The following TG variants were observed in gnomAD, a reference collection of about 807,000 sequenced individuals.
TG encodes thyroglobulin.
A neutral mutation model predicts 324.7 loss-of-function variants in TG; 270 were observed. That is an observed-to-expected ratio of 0.83 (90% CI 0.75 to 0.92). The LOEUF is 0.92. Ranked by LOEUF, TG falls within the 40% of genes least tolerant of loss-of-function variation. TG has a pLI of 0.00. For synonymous variants in TG, 1,401 were observed against 1,327.0 expected, an observed-to-expected ratio of 1.06 and a Z score of -1.21; for missense variants, 3,591 against 3,456.4, an observed-to-expected ratio of 1.04 and a Z score of -0.98.
intron 43 of TG, among the ~76,000 whole-genome samples, chr8:133,105,451 C>T (rs972813109): frequency 6.6e-5 from 10 of 152,058 alleles, no homozygotes; most frequent in African/African-American, 2.4e-4. Flanking sequence ...CAGGAAATAC[C>T]TGTGTTTTAA....
chr8:132,890,802 A>G (rs1816119315), intron 10 of TG, among the ~76,000 whole-genome samples: 1 of 152,244 alleles, frequency 6.6e-6, no homozygotes, highest in Non-Finnish European at 1.5e-5. Flanking sequence ...TAACGAAGGG[A>G]CCAATAACTT....
chr8:132,881,134 A>T (rs1443049073), intron 5 of TG, among the ~76,000 whole-genome samples: 1 of 152,226 alleles, frequency 6.6e-6, no homozygotes, highest in Non-Finnish European at 1.5e-5. Flanking sequence ...TGGTTGCTAA[A>T]TCATTGCACA....
intron 40 of TG, among the ~76,000 whole-genome samples, chr8:133,024,371 T>TTTCC (rs1564084346): frequency 1.8e-4 from 23 of 126,356 alleles, no homozygotes; most frequent in African/African-American, 6.1e-4. Flanking sequence ...TCTTTCTTTC[T>TTTCC]TTCTTTCTTT....
intron 16 of TG, among the ~76,000 whole-genome samples, chr8:132,901,811 T>C (rs536841488): frequency 9.2e-5 from 14 of 152,290 alleles, no homozygotes; most frequent in South Asian, 4.1e-4. Context: ...TTGGGGGCTG[T>C]CCTGCCCGGG....
chr8:133,060,499 T>G (rs1842217236), intron 41 of TG: 2 of 766,644 alleles, frequency 2.6e-6, no homozygotes, highest in South Asian at 3.7e-5. Flanking sequence ...CACAGCAGGG[T>G]TTGTGTGAGA....
At position 132,893,883 on chromosome 8, in the gene TG, G is replaced by C. The variant is rs1170461745; in HGVS notation, c.2955G>C (p.Gln985His). 1.2e-6 allele frequency: 2 copies of C among 1,614,078 alleles called. No homozygotes were observed. Among genetic ancestry groups the C allele is most frequent in the Non-Finnish European group, 1.7e-6 (2 of 1,179,970 alleles). The change falls in exon 11 of 48, where the codon CAG becomes CAC. Residue 985 changes from glutamine to histidine, a missense_variant. Transcript: ENST00000220616. The stretch of plus-strand genomic sequence containing the variant: ...CGCCCCGGGAGGCTTTCGCGGAGCA[G>C]TTTCTGCGTGGGAGTGATTACGCCA... Reference protein sequence around the residue: ...LFPPREAFAEQFLRGSDYAIR... With the variant: ...LFPPREAFAEHFLRGSDYAIR...
chr8:133,125,866 A>G (rs1851478729), intron 45 of TG, among the ~76,000 whole-genome samples: 1 of 152,176 alleles, frequency 6.6e-6, no homozygotes, highest in Non-Finnish European at 1.5e-5. Flanking sequence ...TAGCAGAGAG[A>G]TAGTATTTTA....
At chr8:133,094,563 C>T (rs567291476) in intron 41 of TG, 2 of 229,668 alleles carry the variant, frequency 8.7e-6, no homozygotes, top group Non-Finnish European at 8.8e-6. Context: ...TTTACCCTTA[C>T]AAAGACTGTG....
Position 132,882,464 on chromosome 8 carries a change from C to A in TG, c.746-5C>A. 1 of 1,614,204 alleles carries A rather than the reference C, an allele frequency of 6.2e-7. No individual in the cohort carries two copies. ...ATCTCTGAAAGTCTTGCTGTCTTTG[C>A]TCAGGTTTGGAGTTGTTACTGGATG... is the stretch of plus-strand genomic sequence containing the variant. On this transcript the variant is annotated splice_region_variant and splice_polypyrimidine_tract_variant and intron_variant, in intron 6 of 47. Transcript: ENST00000220616.
chr8:133,040,037 G>T (rs1460194008), intron 41 of TG: 2 of 1,552,238 alleles, frequency 1.3e-6, no homozygotes, highest in East Asian at 2.4e-5. Flanking sequence ...CTGACGCAAG[G>T]TGACAGGTGA....
At chr8:132,874,848 T>A (rs1839815270) in intron 5 of TG, among the ~76,000 whole-genome samples, 1 of 152,226 alleles carries the variant, frequency 6.6e-6, no homozygotes. Context: ...ACTGGTGGCA[T>A]CAAGACACTG....
intron 41 of TG, among the ~76,000 whole-genome samples, chr8:133,039,109 C>A (rs1837663022): frequency 6.6e-6 from 1 of 152,174 alleles, no homozygotes; most frequent in Non-Finnish European, 1.5e-5. Flanking sequence ...AAACTCCTGA[C>A]CTTAGGTGAT....
In TG at chr8:132,981,759, C is replaced by A. The variant is rs558359383; in HGVS notation, c.6200-1591C>A. On this transcript the variant is annotated intron_variant, in intron 34 of 47. Coordinates refer to ENST00000220616, the MANE Select transcript of TG (RefSeq NM_003235.5). ...AGCAAGGTGTGTGTTACCATGCCCT[C>A]CAGGTAATTTGGAAGTCTGCCAAAG... Among the ~76,000 whole-genome samples the A allele has an allele frequency of 6.6e-5, 10 of 152,274 alleles. No homozygotes were observed. In the South Asian group the frequency reaches 2.1e-3, roughly 32 times the overall value.
intron 26 of TG, among the ~76,000 whole-genome samples, chr8:132,942,513 C>T (rs1824591980): frequency 6.6e-6 from 1 of 152,124 alleles, no homozygotes; most frequent in African/African-American, 2.4e-5. Context: ...CTTAAGTCAA[C>T]AGGAGACTCC....
chr8:132,979,750 G>C (rs1830596508), intron 34 of TG, among the ~76,000 whole-genome samples: 3 of 152,262 alleles, frequency 2.0e-5, no homozygotes, highest in Middle Eastern at 3.4e-3. Flanking sequence ...TACCACATCT[G>C]TCAGGTTTTT....
At chr8:132,917,209 G>C (rs1473309096) in intron 20 of TG, among the ~76,000 whole-genome samples, 1 of 152,072 alleles carries the variant, frequency 6.6e-6, no homozygotes, top group Non-Finnish European at 1.5e-5. Context: ...CAGCCTGGCT[G>C]GGGAGAGATC....
intron 41 of TG, chr8:133,059,189 A>G (rs1208929605): frequency 2.2e-6 from 1 of 453,398 alleles, no homozygotes; most frequent in Non-Finnish European, 4.4e-6. Context: ...ATGTGTGGTC[A>G]CCCCTGCGAG....
chr8:132,893,425 TGTGTGTG>T (rs1237172902), intron 10 of TG, among the ~76,000 whole-genome samples: 1 of 136,646 alleles, frequency 7.3e-6, no homozygotes, highest in Non-Finnish European at 1.6e-5. Flanking sequence ...GGTGTGTGTA[TGTGTGTG>T]GTGTGTGGTG....
At chr8:133,026,108 G>T (rs146435908) in intron 40 of TG, among the ~76,000 whole-genome samples, 161 of 152,142 alleles carry the variant, frequency 1.1e-3, no homozygotes, top group South Asian at 4.6e-3. Flanking sequence ...GTATCTAGCT[G>T]CCTCCTGGCA....
Sources: allele counts gnomAD v4.1 joint callset (sites outside exome capture counted in the v4.1 genomes callset), GRCh38; gene constraint gnomAD v4.1.1; transcripts MANE v1.5; gene names NCBI Gene and HGNC (gene_info 2026-07-23, HGNC 2026-07-21).